Variants in ARL3 observed in about 807,000 individuals in gnomAD.
ARL3 encodes ARF like GTPase 3.
A neutral mutation model predicts 26.0 loss-of-function variants in ARL3; 9 were observed. That is an observed-to-expected ratio of 0.35 (90% CI 0.21 to 0.60). The LOEUF is 0.60. Among genes scored for constraint, ARL3 ranks in the 20% least tolerant of loss-of-function variants. The pLI, the probability that ARL3 is intolerant of heterozygous loss-of-function variation, is 0.78. For missense variants in ARL3, 158 were observed against 215.7 expected (o/e 0.73, Z 1.67); for synonymous variants, 71 against 78.4 (o/e 0.91, Z 0.50).
At chr10:102,695,635 C>T (rs529560506) in intron 3 of ARL3, among the ~76,000 whole-genome samples, 1 of 152,012 alleles carries the variant, frequency 6.6e-6, no homozygotes, top group South Asian at 2.1e-4. Flanking sequence ...CGGGTTTAAG[C>T]GATTTTCCAC....
chr10:102,701,378 G>A (rs2064278631), intron 2 of ARL3, among the ~76,000 whole-genome samples: 1 of 152,170 alleles, frequency 6.6e-6, no homozygotes. Context: ...GGCACAGAAG[G>A]AGAAGGCACA....
rs960041634 is a variant in ARL3, at chr10:102,673,862, C to T, written c.*3032G>A. On this transcript the variant is annotated 3_prime_UTR_variant, in exon 6 of 6. Coordinates refer to ENST00000260746, the MANE Select transcript of ARL3 (RefSeq NM_004311.4). Reference sequence around the variant, plus strand: ...TCAAAAGGGATTATAAAAAAAGAACCTTTTGATGGATCAGACTGAACCCTG... The same window carrying T: ...TCAAAAGGGATTATAAAAAAAGAACTTTTTGATGGATCAGACTGAACCCTG... 6.6e-6 allele frequency: 1 copy of T among 152,282 alleles called. No individual in the cohort carries two copies. The highest frequency in any genetic ancestry group is 1.5e-5 in the Non-Finnish European group (1 of 68,024). The allele number at this position is 152,282 out of a possible 1,614,324, so 9.4% of individuals were successfully genotyped here. A position where few individuals can be genotyped will look rare whatever the true frequency, so the allele number is the denominator to read the frequency against.
intron 3 of ARL3, among the ~76,000 whole-genome samples, chr10:102,691,596 C>A (rs932412361): frequency 2.6e-5 from 4 of 152,138 alleles, no homozygotes; most frequent in Non-Finnish European, 5.9e-5. Flanking sequence ...TTCTCCCCAA[C>A]CACTTAGAAA....
intron 2 of ARL3, among the ~76,000 whole-genome samples, chr10:102,699,810 T>A (rs1055747408): frequency 2.6e-5 from 4 of 152,078 alleles, no homozygotes; most frequent in African/African-American, 9.7e-5. Flanking sequence ...CACATGCCCA[T>A]GAATCTTCAG....
Position 102,676,833 on chromosome 10 carries a change from T to G in ARL3, c.*61A>C. The G allele has an allele frequency of 6.5e-7, 1 of 1,538,882 alleles. No individual in the cohort carries two copies. The highest frequency in any genetic ancestry group is 1.4e-5 in the African/African-American group (1 of 73,546). On this transcript the variant is annotated 3_prime_UTR_variant, in exon 6 of 6. Coordinates refer to ENST00000260746, the MANE Select transcript of ARL3 (RefSeq NM_004311.4). Reference sequence around the variant, plus strand: ...AAACATTTGGTCAGAAAGCAGCAAATTAGTGTTTTTCAGGACCGAATTCGG... The same window carrying G: ...AAACATTTGGTCAGAAAGCAGCAAAGTAGTGTTTTTCAGGACCGAATTCGG...
chr10:102,683,187 G>A (rs1362524072), intron 5 of ARL3, among the ~76,000 whole-genome samples: 3 of 152,176 alleles, frequency 2.0e-5, no homozygotes, highest in Admixed American at 2.0e-4. Context: ...CACCACCTTA[G>A]GGAGGTACAC....
intron 1 of ARL3, among the ~76,000 whole-genome samples, chr10:102,711,346 ATATATATGTATG>A: frequency 6.6e-6 from 1 of 151,190 alleles, no homozygotes; most frequent in East Asian, 1.9e-4. Context: ...GTATATATAT[ATATATATGTATG>A]TATATGTATC....
At chr10:102,714,140 T>C (rs925579171) in intron 1 of ARL3, 133 bp downstream of exon 1, 2 of 1,146,554 alleles carry the variant, frequency 1.7e-6, no homozygotes, top group East Asian at 2.9e-5. Context: ...CCGAAATCAG[T>C]CCACAACCCA....
rs1023724116 is a variant in ARL3, at chr10:102,703,118, CTTTTTTTTTTTTT to C, written c.147+2215_147+2227del. Among the ~76,000 whole-genome samples, 10 of 101,160 alleles carry C rather than the reference CTTTTTTTTTTTTT, an allele frequency of 9.9e-5. No individual in the cohort carries two copies. The East Asian group carries it at 3.1e-3, about 31-fold the overall frequency. 66.4% of individuals were successfully genotyped at this position (101,160 alleles called of 152,430 possible). On this transcript the variant is annotated intron_variant, in intron 2 of 5. Coordinates refer to ENST00000260746, the MANE Select transcript of ARL3 (RefSeq NM_004311.4). ...TACAGTTTTTCCAATCAGGTCTTGT[CTTTTTTTTTTTTT>C]TTTTTTTTTGAGACGGAGTCTCACT...
chr10:102,690,370 C>T (rs1048504826), intron 3 of ARL3, among the ~76,000 whole-genome samples: 4 of 141,524 alleles, frequency 2.8e-5, no homozygotes, highest in South Asian at 2.2e-4. Flanking sequence ...GGCATGATTT[C>T]GGCTCTGGGT....
At position 102,676,910 on chromosome 10, in the gene ARL3, T is replaced by C. The variant is rs1443415801; in HGVS notation, c.533A>G (p.Asn178Ser). The change falls in exon 6 of 6, where the codon AAT becomes AGT. Residue 178 changes from asparagine (N) to serine (S), a missense_variant. Transcript: ENST00000260746. Reference protein sequence around the residue: ...DGMNWVCKNVNAKKK With the variant: ...DGMNWVCKNVSAKKK ...GTCTAGATTTTATTTCTTCTTTGCA[T>C]TGACATTTTTGCAGACCCAGTTCAT... 4.3e-6 allele frequency: 7 copies of C among 1,614,176 alleles called. No individual in the cohort carries two copies. The highest frequency in any genetic ancestry group is 1.3e-5 in the African/African-American group (1 of 75,052).
intron 2 of ARL3, among the ~76,000 whole-genome samples, chr10:102,704,458 G>A (rs2064297806): frequency 6.6e-6 from 1 of 152,008 alleles, no homozygotes; most frequent in Non-Finnish European, 1.5e-5. Flanking sequence ...GGCCAACATG[G>A]CAAAACCCTG....
chr10:102,701,830 T>C (rs1182552255), intron 2 of ARL3, among the ~76,000 whole-genome samples: 1 of 152,112 alleles, frequency 6.6e-6, no homozygotes, highest in Non-Finnish European at 1.5e-5. Flanking sequence ...TTTAGAGATG[T>C]ATATTACATA....
intron 2 of ARL3, among the ~76,000 whole-genome samples, chr10:102,702,386 C>T (rs1035508583): frequency 2.0e-5 from 3 of 152,086 alleles, no homozygotes; most frequent in African/African-American, 7.2e-5. Context: ...TTTATTTATA[C>T]TTCCTAAATT....
chr10:102,700,945 C>T (rs1436615168), intron 2 of ARL3, among the ~76,000 whole-genome samples: 2 of 151,918 alleles, frequency 1.3e-5, no homozygotes, highest in Admixed American at 6.6e-5. Context: ...CCATGTTGGT[C>T]AGGCTGGTCT....
intron 3 of ARL3, among the ~76,000 whole-genome samples, chr10:102,696,876 G>A (rs2064251196): frequency 6.6e-6 from 1 of 152,166 alleles, no homozygotes; most frequent in South Asian, 2.1e-4. Flanking sequence ...ATAGGCAGCT[G>A]GCTTATATAG....
chr10:102,708,566 A>T (rs529394299), intron 1 of ARL3, among the ~76,000 whole-genome samples: 8 of 151,964 alleles, frequency 5.3e-5, no homozygotes, highest in South Asian at 4.2e-4. Flanking sequence ...TTTAAAAAAA[A>T]TTTTTTTTGG....
intron 5 of ARL3, among the ~76,000 whole-genome samples, chr10:102,682,979 A>C (rs914568750): frequency 1.3e-5 from 2 of 152,230 alleles, no homozygotes; most frequent in African/African-American, 4.8e-5. Flanking sequence ...TTTGAAAGTG[A>C]ACCTCAAACC....
At chr10:102,688,129 C>T (rs1294020974) in intron 4 of ARL3, among the ~76,000 whole-genome samples, 1 of 152,184 alleles carries the variant, frequency 6.6e-6, no homozygotes. Flanking sequence ...GGGGTCTAAA[C>T]TATATGTGAT....
Sources: allele counts gnomAD v4.1 joint callset (sites outside exome capture counted in the v4.1 genomes callset), GRCh38; gene constraint gnomAD v4.1.1; transcripts MANE v1.5; gene names NCBI Gene and HGNC (gene_info 2026-07-23, HGNC 2026-07-21).